Variants in PCDH11X observed in about 807,000 individuals in gnomAD.
PCDH11X encodes protocadherin-11 X-linked.
PCDH11X carries 18 observed loss-of-function variants against 53.3 expected under a neutral mutation model. That is an observed-to-expected ratio of 0.34 (90% CI 0.23 to 0.50). PCDH11X has a LOEUF of 0.50. Among genes scored for constraint, PCDH11X ranks in the 20% least tolerant of loss-of-function variants. PCDH11X has a pLI of 0.98. For synonymous variants in PCDH11X, 279 were observed against 393.3 expected (o/e 0.71, Z 3.44); for missense variants, 570 against 1,032.4 (o/e 0.55, Z 6.14).
chrX:92,303,717 C>G, intron 8 of PCDH11X, among the ~76,000 whole-genome samples: 1 of 111,554 alleles, frequency 9.0e-6, no homozygotes, highest in Non-Finnish European at 1.9e-5. Context: ...ATTGAACATC[C>G]CATTCTCATT....
At chrX:92,096,992 T>C (rs1484526347) in intron 6 of PCDH11X, among the ~76,000 whole-genome samples, 1 of 112,266 alleles carries the variant, frequency 8.9e-6, no homozygotes, top group Non-Finnish European at 1.9e-5. Flanking sequence ...CATGTCAATC[T>C]TTATTAGACA....
intron 6 of PCDH11X, among the ~76,000 whole-genome samples, chrX:92,008,254 C>T (rs2062634411): frequency 9.0e-6 from 1 of 110,728 alleles, no homozygotes; most frequent in African/African-American, 3.3e-5. Flanking sequence ...CCTAGACAGC[C>T]TTTCAAGTTT....
intron 6 of PCDH11X, among the ~76,000 whole-genome samples, chrX:92,120,087 T>C (rs1275943060): frequency 9.1e-6 from 1 of 109,894 alleles, no homozygotes; most frequent in East Asian, 2.8e-4. Context: ...ATACCATCCA[T>C]CATATGAACT....
At chrX:92,325,292 T>C in intron 8 of PCDH11X, among the ~76,000 whole-genome samples, 1 of 110,744 alleles carries the variant, frequency 9.0e-6, no homozygotes, top group Non-Finnish European at 1.9e-5. Flanking sequence ...TATTCTCTGA[T>C]CTGCAATCAT....
intron 10 of PCDH11X, among the ~76,000 whole-genome samples, chrX:92,490,742 AAGAG>A (rs1259005039): frequency 9.8e-6 from 1 of 102,401 alleles, no homozygotes; most frequent in East Asian, 3.5e-4. Flanking sequence ...GAAAGAGAGA[AAGAG>A]AGAAAGAAAG....
intron 6 of PCDH11X, among the ~76,000 whole-genome samples, chrX:91,931,729 A>G (rs2061387256): frequency 9.1e-6 from 1 of 110,276 alleles, no homozygotes; most frequent in Admixed American, 9.7e-5. Context: ...TGGCTGATGA[A>G]TGCAATTTAA....
rs6618936 is a variant in PCDH11X, at chrX:92,269,553, G to C, written c.3144+6410G>C. Among the ~76,000 whole-genome samples, 1,066 of 111,281 alleles carry C rather than the reference G, an allele frequency of 9.6e-3. 79 individuals are homozygous for C. In the East Asian group the frequency reaches 0.24, roughly 25 times the overall value. ...ATTACTTGAAATCCTACTATCCTAA[G>C]ATAGAAACAATTTTTGTAACCTCAA... On this transcript the variant is annotated intron_variant, in intron 8 of 10. Transcript: ENST00000682573.
chrX:92,509,512 T>C lies in PCDH11X; in HGVS notation c.3367+41190T>C, dbSNP rs138311783. On this transcript the variant is annotated intron_variant, in intron 10 of 10. Coordinates refer to ENST00000682573, the MANE Select transcript of PCDH11X (RefSeq NM_032968.5). ...ATAATTCTGCAAAATGATTTCTGTT[T>C]CAGATTCTCATCTTCTTTGAGATAA... Among the ~76,000 whole-genome samples the C allele has an allele frequency of 4.6e-3, 510 of 112,065 alleles. 6 individuals are homozygous for C. In the South Asian group the frequency reaches 0.055, roughly 12 times the overall value.
chrX:92,593,701 A>T (rs1023634552), intron 10 of PCDH11X, among the ~76,000 whole-genome samples: 2 of 111,800 alleles, frequency 1.8e-5, no homozygotes, highest in African/African-American at 6.5e-5. Flanking sequence ...AATTTGAAGG[A>T]GATCATCTAG....
intron 6 of PCDH11X, among the ~76,000 whole-genome samples, chrX:92,007,726 G>A (rs878962848): frequency 2.7e-5 from 3 of 111,668 alleles, no homozygotes; most frequent in African/African-American, 6.5e-5. Context: ...GTTTTGCCCC[G>A]GAGCCACCAT....
At chrX:92,131,467 C>A (rs750549340) in intron 6 of PCDH11X, among the ~76,000 whole-genome samples, 1 of 111,339 alleles carries the variant, frequency 9.0e-6, no homozygotes, top group Admixed American at 9.6e-5. Context: ...TGCTATTTCT[C>A]GCAGCCCAAT....
chrX:92,251,251 T>C (rs1423329457), intron 7 of PCDH11X, among the ~76,000 whole-genome samples: 5 of 110,888 alleles, frequency 4.5e-5, no homozygotes, highest in African/African-American at 1.6e-4. Context: ...TTTATGCTTG[T>C]AACCAAGATT....
At chrX:92,170,015 T>C (rs5984896) in intron 6 of PCDH11X, among the ~76,000 whole-genome samples, 53,262 of 109,907 alleles carry the variant, frequency 0.48, 10,092 homozygotes, top group Non-Finnish European at 0.6. Context: ...ACAAAGTAGC[T>C]TTCAGTCTAG....
chrX:92,016,276 AT>A (rs1339094745), intron 6 of PCDH11X, among the ~76,000 whole-genome samples: 1 of 109,630 alleles, frequency 9.1e-6, no homozygotes, highest in Middle Eastern at 4.7e-3. Flanking sequence ...AGAATAGTAA[AT>A]GATCATTGGC....
chrX:92,471,446 C>G (rs1259998430), intron 10 of PCDH11X, among the ~76,000 whole-genome samples: 3 of 103,129 alleles, frequency 2.9e-5, no homozygotes, highest in Non-Finnish European at 4.0e-5. Context: ...TAATCTTGTT[C>G]TTTTTTATGG....
chrX:92,580,837 A>C (rs1431744383), intron 10 of PCDH11X, among the ~76,000 whole-genome samples: 1 of 110,785 alleles, frequency 9.0e-6, no homozygotes, highest in East Asian at 2.9e-4. Flanking sequence ...TAACACAATC[A>C]CTCACTGCCT....
intron 8 of PCDH11X, among the ~76,000 whole-genome samples, chrX:92,297,562 T>C (rs1332109852): frequency 9.0e-6 from 1 of 111,613 alleles, no homozygotes; most frequent in Non-Finnish European, 1.9e-5. Context: ...CCTTGTAATA[T>C]AGTTTGAAGT....
intron 10 of PCDH11X, among the ~76,000 whole-genome samples, chrX:92,547,726 A>AT (rs1232736748): frequency 1.9e-5 from 2 of 107,838 alleles, no homozygotes; most frequent in African/African-American, 6.8e-5. Flanking sequence ...TCTTTTCTTT[A>AT]TTTTTTTATT....
intron 8 of PCDH11X, among the ~76,000 whole-genome samples, chrX:92,285,985 G>A (rs934624595): frequency 5.3e-5 from 6 of 112,603 alleles, no homozygotes; most frequent in East Asian, 2.8e-4. Context: ...GGCACAGATC[G>A]CTCATGCTAT....
Sources: allele counts gnomAD v4.1 joint callset (sites outside exome capture counted in the v4.1 genomes callset), GRCh38; gene constraint gnomAD v4.1.1; transcripts MANE v1.5; gene names NCBI Gene and HGNC (gene_info 2026-07-23, HGNC 2026-07-21).